The following LPP variants were observed in gnomAD, a reference collection of about 807,000 sequenced individuals.
LPP encodes LIM domain containing preferred translocation partner in lipoma, also known as lipoma-preferred partner.
LPP carries 38 observed loss-of-function variants against 60.4 expected under a neutral mutation model. The observed-to-expected ratio is 0.63, with a 90% CI of 0.49 to 0.83. The LOEUF is 0.83. Among genes scored for constraint, LPP ranks in the 40% least tolerant of loss-of-function variants. The pLI is 0.00. For synonymous variants in LPP, 328 were observed against 290.8 expected (o/e 1.13, Z -1.30); for missense variants, 902 against 783.6 (o/e 1.15, Z -1.80).
At position 188,609,354 on chromosome 3, in the gene LPP, C is replaced by G; in HGVS notation, c.623C>G (p.Ala208Gly). Residue 208 changes from alanine to glycine, a missense_variant, in exon 7 of 12, where the codon GCC becomes GGC. Transcript: ENST00000617246. The surrounding 1 kb of genome is among the most constrained non-coding windows in gnomAD (Gnocchi z 6.9). ...TLKPQPQPVP[A>G]SYTTASTSSR... ...AAACCCCAGCCTCAGCCAGTCCCAG[C>G]CTCCTACACCACGGCCTCCACTTCT... 6.2e-7 allele frequency: 1 copy of G among 1,614,130 alleles called. No individual in the cohort carries two copies.
intron 6 of LPP, among the ~76,000 whole-genome samples, chr3:188,538,676 A>G (rs763154835): frequency 6.6e-6 from 1 of 152,210 alleles, no homozygotes; most frequent in Non-Finnish European, 1.5e-5. Flanking sequence ...TTATATTTCT[A>G]TTTATGTATC....
intron 10 of LPP, among the ~76,000 whole-genome samples, chr3:188,870,553 A>G (rs1435423003): frequency 6.6e-6 from 1 of 152,232 alleles, no homozygotes; most frequent in East Asian, 1.9e-4. Context: ...ATACTTCCTC[A>G]TAATGTTGCT....
intron 8 of LPP, 90 bp downstream of exon 8, chr3:188,708,483 A>T (rs1483416170): frequency 6.4e-7 from 1 of 1,554,572 alleles, no homozygotes; most frequent in East Asian, 2.2e-5. Flanking sequence ...CTCCACTGGT[A>T]AAGTATTTGA....
At chr3:188,801,343 A>T (rs762443307) in intron 9 of LPP, among the ~76,000 whole-genome samples, 18 of 152,194 alleles carry the variant, frequency 1.2e-4, no homozygotes, top group Non-Finnish European at 2.1e-4. Context: ...TCTCTAATGC[A>T]TTCTATATTC....
chr3:188,240,640 A>G (rs151029638), intron 2 of LPP, among the ~76,000 whole-genome samples: 1 of 152,288 alleles, frequency 6.6e-6, no homozygotes, highest in African/African-American at 2.4e-5. Flanking sequence ...TTTCATATAA[A>G]AAAGCGTAAT....
chr3:188,239,569 T>C (rs2149432253), intron 2 of LPP, among the ~76,000 whole-genome samples: 1 of 152,338 alleles, frequency 6.6e-6, no homozygotes, highest in South Asian at 2.1e-4. Flanking sequence ...CTCTTAATCA[T>C]TTTATCAATA....
At chr3:188,636,787 T>A (rs532337238) in intron 7 of LPP, among the ~76,000 whole-genome samples, 19 of 151,960 alleles carry the variant, frequency 1.3e-4, no homozygotes, top group East Asian at 7.7e-4. Flanking sequence ...GGCACCCCCC[T>A]GCAGGGGCAC....
intron 2 of LPP, among the ~76,000 whole-genome samples, chr3:188,297,261 C>T (rs2150108430): frequency 6.6e-6 from 1 of 152,268 alleles, no homozygotes; most frequent in East Asian, 1.9e-4. Context: ...AAGAATCAGC[C>T]CCCACTTCGG....
intron 2 of LPP, among the ~76,000 whole-genome samples, chr3:188,242,542 G>A (rs1259036824): frequency 6.6e-6 from 1 of 151,990 alleles, no homozygotes; most frequent in African/African-American, 2.4e-5. Flanking sequence ...ACCAGGTACT[G>A]GAGATACAAA....
chr3:188,240,661 C>G (rs2149455061), intron 2 of LPP, among the ~76,000 whole-genome samples: 1 of 151,854 alleles, frequency 6.6e-6, no homozygotes, highest in East Asian at 1.9e-4. Context: ...CATAACTATC[C>G]AATCATGTCA....
At chr3:188,492,409 T>C (rs1808644986) in intron 5 of LPP, among the ~76,000 whole-genome samples, 1 of 152,168 alleles carries the variant, frequency 6.6e-6, no homozygotes, top group Admixed American at 6.5e-5. Flanking sequence ...AAGAAAGTAA[T>C]GTCAGCCGGG....
chr3:188,354,816 T>TGCAC (rs1767035599), intron 3 of LPP, among the ~76,000 whole-genome samples: 1 of 80,368 alleles, frequency 1.2e-5, no homozygotes, highest in Admixed American at 1.6e-4. Context: ...CACACGCGCG[T>TGCAC]GCGCGCACAC....
intron 2 of LPP, among the ~76,000 whole-genome samples, chr3:188,284,953 G>A (rs1334452388): frequency 6.6e-6 from 1 of 152,028 alleles, no homozygotes; most frequent in Non-Finnish European, 1.5e-5. Flanking sequence ...GTTCAGAGCT[G>A]ACTTTCTGCT....
At chr3:188,872,286 CAAAT>C (rs1349660909) in intron 10 of LPP, among the ~76,000 whole-genome samples, 1 of 152,096 alleles carries the variant, frequency 6.6e-6, no homozygotes, top group Non-Finnish European at 1.5e-5. Context: ...AAGTCAGAAA[CAAAT>C]AGGGGCTGGA....
At chr3:188,232,504 ATT>A (rs71634069) in intron 2 of LPP, among the ~76,000 whole-genome samples, 68 of 103,226 alleles carry the variant, frequency 6.6e-4, no homozygotes, top group African/African-American at 2.2e-3. Flanking sequence ...ACACCCGGCT[ATT>A]TTTTTTTTTT....
In LPP at chr3:188,186,447, T is replaced by A. The variant is rs80176645; in HGVS notation, c.-190+32195T>A. Among the ~76,000 whole-genome samples the A allele has an allele frequency of 3.6e-3, 543 of 152,254 alleles. 17 individuals carry two copies. In the East Asian group the frequency reaches 0.079, roughly 22 times the overall value. On this transcript the variant is annotated intron_variant, in intron 1 of 11. Coordinates refer to ENST00000617246, the MANE Select transcript of LPP (RefSeq NM_001375462.1). ...GGCTAGGTGGCTTAAAAAGACGACC[T>A]TGTCATGCATTTAATGATCTTCAAA...
chr3:188,269,635 C>CTTT (rs200315400), intron 2 of LPP, among the ~76,000 whole-genome samples: 7 of 132,910 alleles, frequency 5.3e-5, no homozygotes, highest in African/African-American at 1.2e-4. Context: ...CTGGTTGTGC[C>CTTT]TTTTTTTTTA....
chr3:188,886,045 T>G lies in LPP; in HGVS notation c.*11566T>G, dbSNP rs1287437750. ...AAATCATCATTCTCAGTAAACTATC[T>G]CAAGGACAAAAAACCAAACACCACA... On this transcript the variant is annotated 3_prime_UTR_variant, in exon 12 of 12. Coordinates refer to ENST00000617246, the MANE Select transcript of LPP (RefSeq NM_001375462.1). 6.6e-6 allele frequency: 1 copy of G among 151,694 alleles called. No homozygotes were observed. Among genetic ancestry groups the G allele is most frequent in the East Asian group, 1.9e-4 (1 of 5,130 alleles). 9.4% of individuals were successfully genotyped at this position (151,694 alleles called of 1,614,324 possible).
intron 7 of LPP, among the ~76,000 whole-genome samples, chr3:188,628,778 A>G (rs1406781177): frequency 6.6e-6 from 1 of 152,116 alleles, no homozygotes. Context: ...CTGATACCAA[A>G]ACCTGACAGA....
Sources: allele counts gnomAD v4.1 joint callset (sites outside exome capture counted in the v4.1 genomes callset), GRCh38; gene constraint gnomAD v4.1.1; non-coding constraint Gnocchi (gnomAD v3.1); transcripts MANE v1.5; gene names NCBI Gene and HGNC (gene_info 2026-07-23, HGNC 2026-07-21).